SPTAN1: variants seen among roughly 807,000 people sequenced by gnomAD.
The protein encoded by SPTAN1 is spectrin alpha chain, non-erythrocytic 1.
SPTAN1 carries 61 observed loss-of-function variants against 331.3 expected under a neutral mutation model. That is an observed-to-expected ratio of 0.18 (90% CI 0.15 to 0.23). SPTAN1 has a LOEUF of 0.23. SPTAN1 is among the 10% of genes least tolerant of loss of function. The probability of loss-of-function intolerance (pLI) is 1.00; values close to 1 mark genes in which losing one functional copy is unlikely to be tolerated. For missense variants in SPTAN1, 2,043 were observed against 3,147.9 expected (o/e 0.65, Z 8.40); for synonymous variants, 1,153 against 1,173.9 (o/e 0.98, Z 0.36).
In SPTAN1 at chr9:128,583,865, G is replaced by A; in HGVS notation, c.2089G>A (p.Val697Ile). The change falls in exon 16 of 57, where the codon GTA becomes ATA. Residue 697 changes from valine to isoleucine, a missense_variant. Coordinates refer to ENST00000372739, the MANE Select transcript of SPTAN1 (RefSeq NM_001130438.3). Reference sequence around the variant, plus strand: ...GGATATTGAATTGTGGCTATATGAAGTAGAAGGTCACTTGGCTTCGGATGA... The same window carrying A: ...GGATATTGAATTGTGGCTATATGAAATAGAAGGTCACTTGGCTTCGGATGA... ...VEDIELWLYE[V>I]EGHLASDDYG... 6 of 1,614,234 alleles carry A rather than the reference G, an allele frequency of 3.7e-6. No individual in the cohort carries two copies. Among genetic ancestry groups the A allele is most frequent in the South Asian group, 1.1e-5 (1 of 91,088 alleles).
chr9:128,625,291 G>A lies in SPTAN1; in HGVS notation c.6069+112G>A, dbSNP rs1425038517. 9.0e-7 allele frequency: 1 copy of A among 1,113,938 alleles called. No individual in the cohort carries two copies. Among genetic ancestry groups the A allele is most frequent in the Non-Finnish European group, 1.3e-6 (1 of 746,528 alleles). The allele number at this position is 1,113,938 out of a possible 1,614,324, so 69.0% of individuals were successfully genotyped here. Reference sequence around the variant, plus strand: ...TTCTGTTAGCCCCTGGGGATCAGCAGGAAAAAGATCCTGTCCTGGTCCTCA... The same window carrying A: ...TTCTGTTAGCCCCTGGGGATCAGCAAGAAAAAGATCCTGTCCTGGTCCTCA... On this transcript the variant is annotated intron_variant, in intron 47 of 56. Coordinates refer to ENST00000372739, the MANE Select transcript of SPTAN1 (RefSeq NM_001130438.3). The surrounding 1 kb of genome is among the most constrained non-coding windows in gnomAD (Gnocchi z 4.1).
rs1161701410 is a variant in SPTAN1, at chr9:128,626,857, C to T, written c.6576+170C>T. 4 of 775,352 alleles carry T rather than the reference C, an allele frequency of 5.2e-6. No individual in the cohort carries two copies. The East Asian group carries it at 1.1e-4, about 21-fold the overall frequency. The allele number at this position is 775,352 out of a possible 1,614,324, so 48.0% of individuals were successfully genotyped here. A position where few individuals can be genotyped will look rare whatever the true frequency, so the allele number is the denominator to read the frequency against. ...TTCTTGAGGCAGGGTCTCTGTCACC[C>T]AGGCTTCAGTGCAGTGGTGCTACCA... On this transcript the variant is annotated intron_variant, in intron 49 of 56. Transcript: ENST00000372739.
rs1356195027 is a variant in SPTAN1, at chr9:128,626,538, T to A, written c.6427T>A (p.Ser2143Thr). Residue 2143 changes from serine (S) to threonine (T), a missense_variant, in exon 49 of 57, where the codon TCC becomes ACC. Around this residue, in one of 12 missense-constraint regions of SPTAN1, gnomAD observed 256 missense variants for 376.4 expected, o/e 0.68. Coordinates refer to ENST00000372739, the MANE Select transcript of SPTAN1 (RefSeq NM_001130438.3). ...ALREAHDAFR[S>T]SLSSAQADFN... ...GCGCGAGGCCCACGACGCCTTCCGC[T>A]CCTCCCTCAGCTCTGCCCAGGCTGA... The A allele has an allele frequency of 1.2e-6, 2 of 1,614,000 alleles. No individual in the cohort carries two copies. Among genetic ancestry groups the A allele is most frequent in the Admixed American group, 3.3e-5 (2 of 60,000 alleles).
At position 128,632,703 on chromosome 9, in the gene SPTAN1, C is replaced by G; in HGVS notation, c.7145C>G (p.Thr2382Arg). ...CCTGAGTTCGAGGCAATCCTGGACACGGTGGATCCGAACAGGTAAATTAAT... is the reference window on the plus strand; with the variant it reads ...CCTGAGTTCGAGGCAATCCTGGACAGGGTGGATCCGAACAGGTAAATTAAT... The part of the protein sequence containing the change: ...PDPEFEAILD[T>R]VDPNRDGHVS... The change falls in exon 55 of 57, where the codon ACG becomes AGG. Residue 2382 changes from threonine to arginine, a missense_variant. Around this residue, in one of 12 missense-constraint regions of SPTAN1, gnomAD observed 58 missense variants for 74.0 expected, o/e 0.78. Transcript: ENST00000372739. The G allele has an allele frequency of 2.5e-6, 4 of 1,613,990 alleles. No individual in the cohort carries two copies. Among genetic ancestry groups the G allele is most frequent in the Non-Finnish European group, 3.4e-6 (4 of 1,180,034 alleles).
At chr9:128,605,208 G>A (rs1303942011) in intron 30 of SPTAN1, 30 bp downstream of exon 30, 4 of 1,613,938 alleles carry the variant, frequency 2.5e-6, no homozygotes, top group African/African-American at 1.3e-5. Context: ...TCTTCTGTCT[G>A]GCATTTTTGC....
In SPTAN1 at chr9:128,604,426, T is replaced by TTC. The variant is rs896571703; in HGVS notation, c.3719+9_3719+10insTC. ...GTACAGAGGTTCCACAGGTGAGGGG[T>TTC]CAGCCCTGGGCTGGGAGAGGGAGAA... On this transcript the variant is annotated intron_variant, in intron 29 of 56. Coordinates refer to ENST00000372739, the MANE Select transcript of SPTAN1 (RefSeq NM_001130438.3). 1.9e-6 allele frequency: 3 copies of TTC among 1,611,650 alleles called. No homozygotes were observed. The African/African-American group carries it at 4.0e-5, about 22-fold the overall frequency.
In SPTAN1 at chr9:128,633,208, G is replaced by C; in HGVS notation, c.7309-1G>C. 1 of 1,614,006 alleles carries C rather than the reference G, an allele frequency of 6.2e-7. No individual in the cohort carries two copies. The highest frequency in any genetic ancestry group is 8.5e-7 in the Non-Finnish European group (1 of 1,180,014). The stretch of plus-strand genomic sequence containing the variant: ...ACCAGGTGCCATCTCTTACCCCACA[G>C]AACCTGACCCGGGAACAAGCCGACT... On this transcript the variant is annotated splice_acceptor_variant, in intron 56 of 56. Transcript: ENST00000372739. LOFTEE classifies it high-confidence loss of function.
chr9:128,555,105 T>C (rs1429511007), intron 1 of SPTAN1, among the ~76,000 whole-genome samples: 1 of 152,202 alleles, frequency 6.6e-6, no homozygotes, highest in Non-Finnish European at 1.5e-5. Context: ...GAATGAGACT[T>C]GACCAGGGCA....
At chr9:128,563,673 C>T (rs79728807) in intron 1 of SPTAN1, among the ~76,000 whole-genome samples, 3,471 of 151,786 alleles carry the variant, frequency 0.023, 134 homozygotes, top group African/African-American at 0.08. Flanking sequence ...TGCACAGCAT[C>T]TGCAACATTC....
At chr9:128,594,433 T>TTTG in intron 24 of SPTAN1, 60 bp downstream of exon 24, 1 of 1,407,414 alleles carries the variant, frequency 7.1e-7, no homozygotes, top group Non-Finnish European at 9.7e-7. Context: ...CTCTTGATTT[T>TTTG]TTTTTTTTTT....
Position 128,627,813 on chromosome 9 carries a change from T to G in SPTAN1, c.6690-112T>G. On this transcript the variant is annotated intron_variant, in intron 50 of 56. Transcript: ENST00000372739. The surrounding 1 kb of genome is among the most constrained non-coding windows in gnomAD (Gnocchi z 4.9). ...GCAGGGTCTGTGCGTTGGGTACTGA[T>G]GTTCTTGCTTTTGTTTTCCTTTCTT... is the stretch of plus-strand genomic sequence containing the variant. 1 of 1,340,452 alleles carries G rather than the reference T, an allele frequency of 7.5e-7. No individual in the cohort carries two copies. Among genetic ancestry groups the G allele is most frequent in the Non-Finnish European group, 1.1e-6 (1 of 931,144 alleles). 83.0% of individuals were successfully genotyped at this position (1,340,452 alleles called of 1,614,324 possible).
rs769058539 is a variant in SPTAN1, at chr9:128,600,140, G to T, written c.3579+25G>T. ...GGTAAGAACTCCTTTGCAAATTATT[G>T]TTTTCAAGAGTTTTGCGAGATCATG... On this transcript the variant is annotated intron_variant, in intron 27 of 56. Coordinates refer to ENST00000372739, the MANE Select transcript of SPTAN1 (RefSeq NM_001130438.3). 2.7e-5 allele frequency: 44 copies of T among 1,612,196 alleles called. No individual in the cohort carries two copies. In the East Asian group the frequency reaches 9.6e-4, roughly 35 times the overall value.
chr9:128,627,787 T>C lies in SPTAN1; in HGVS notation c.6690-138T>C, dbSNP rs1474738121. 8.9e-6 allele frequency: 10 copies of C among 1,129,546 alleles called. No individual in the cohort carries two copies. The highest frequency in any genetic ancestry group is 1.5e-5 in the African/African-American group (1 of 65,494). The allele number at this position is 1,129,546 out of a possible 1,614,324, so 70.0% of individuals were successfully genotyped here. ...CCAGCCATGACTTGGTGACAGACGA[T>C]GCAGGGTCTGTGCGTTGGGTACTGA... On this transcript the variant is annotated intron_variant, in intron 50 of 56. Transcript: ENST00000372739. This position sits in a 1 kb window ranked among gnomAD's most constrained non-coding sequence, Gnocchi z 4.9.
intron 22 of SPTAN1, 131 bp downstream of exon 22, chr9:128,591,756 C>A: frequency 8.7e-7 from 1 of 1,149,736 alleles, no homozygotes; most frequent in Non-Finnish European, 1.2e-6. Context: ...CTCCACCCCA[C>A]TTTGAGCCCA....
intron 2 of SPTAN1, among the ~76,000 whole-genome samples, chr9:128,567,680 A>C (rs1850197122): frequency 1.3e-5 from 2 of 152,230 alleles, no homozygotes; most frequent in African/African-American, 4.8e-5. Context: ...TAAGTACTTA[A>C]AGTTATGAGT....
chr9:128,627,691 C>A lies in SPTAN1; in HGVS notation c.6689+193C>A. 1 of 781,584 alleles carries A rather than the reference C, an allele frequency of 1.3e-6. No individual in the cohort carries two copies. The highest frequency in any genetic ancestry group is 1.5e-5 in the South Asian group (1 of 66,248). 48.4% of individuals were successfully genotyped at this position (781,584 alleles called of 1,614,324 possible). On this transcript the variant is annotated intron_variant, in intron 50 of 56. Transcript: ENST00000372739. This position sits in a 1 kb window ranked among gnomAD's most constrained non-coding sequence, Gnocchi z 4.9. The stretch of plus-strand genomic sequence containing the variant: ...GCATAGGTGGAGCAGCCTCTCAGTG[C>A]TGCATGTCCCAGACATCAAGTTGTT...
chr9:128,608,934 G>A lies in SPTAN1; in HGVS notation c.4552G>A (p.Ala1518Thr), dbSNP rs1564282020. The change falls in exon 35 of 57, where the codon GCC becomes ACC. Residue 1518 changes from alanine to threonine, a missense_variant. This residue lies in a region of SPTAN1 where 40 missense variants were observed against 32.6 expected (regional missense o/e 1.23). Coordinates refer to ENST00000372739, the MANE Select transcript of SPTAN1 (RefSeq NM_001130438.3). The part of the protein sequence containing the change: ...ADQLIAAGHY[A>T]KGDISSRRNE... The stretch of plus-strand genomic sequence containing the variant: ...CCAGCTCATCGCTGCCGGCCATTAT[G>A]CCAAGGGAGACATTTCTAGCCGGCG... 1 of 1,614,202 alleles carries A rather than the reference G, an allele frequency of 6.2e-7. No homozygotes were observed. The highest frequency in any genetic ancestry group is 8.5e-7 in the Non-Finnish European group (1 of 1,180,042).
intron 24 of SPTAN1, 124 bp from the exon 25 acceptor site, chr9:128,598,272 CCCTT>C: frequency 1.4e-6 from 1 of 733,478 alleles, no homozygotes; most frequent in African/African-American, 1.8e-5. Context: ...TTTAATCCCC[CCCTT>C]TTTTTTTTTT....
chr9:128,623,409 C>G (rs1470444734), intron 45 of SPTAN1, among the ~76,000 whole-genome samples: 1 of 151,608 alleles, frequency 6.6e-6, no homozygotes, highest in East Asian at 1.9e-4. Flanking sequence ...TTTTTTCTAT[C>G]AAAAATAATA....
Sources: allele counts gnomAD v4.1 joint callset (sites outside exome capture counted in the v4.1 genomes callset), GRCh38; gene constraint gnomAD v4.1.1; regional missense constraint gnomAD v4.1.1; non-coding constraint Gnocchi (gnomAD v3.1); transcripts MANE v1.5; gene names NCBI Gene and HGNC (gene_info 2026-07-23, HGNC 2026-07-21).